COQ8A: variants seen among roughly 807,000 people sequenced by gnomAD.
COQ8A encodes coenzyme Q8A, also known as atypical kinase COQ8A, mitochondrial.
A neutral mutation model predicts 65.0 loss-of-function variants in COQ8A; 51 were observed. The ratio of observed to expected loss-of-function variants is 0.78; its 90% CI spans 0.63 to 0.99. The LOEUF is 0.99. COQ8A is among the 50% of genes least tolerant of loss of function. The pLI is 0.00. For synonymous variants in COQ8A, 371 were observed against 353.2 expected (o/e 1.05, Z -0.57); for missense variants, 940 against 875.0 (o/e 1.07, Z -0.94).
chr1:226,967,052 G>A (rs1044218889), intron 4 of COQ8A, among the ~76,000 whole-genome samples: 3 of 152,190 alleles, frequency 2.0e-5, no homozygotes, highest in Non-Finnish European at 4.4e-5. Flanking sequence ...ACAGCCAAGA[G>A]TATTTGCTTA....
At chr1:226,982,634 C>CT in intron 6 of COQ8A, 44 bp from the exon 7 acceptor site, 1 of 1,602,466 alleles carries the variant, frequency 6.2e-7, no homozygotes, top group Non-Finnish European at 8.5e-7. Context: ...TGGGCGCACA[C>CT]TTTAATCCCC....
rs1179196043 is a variant in COQ8A at position 226,986,777 on chromosome 1, C to T, written c.*40C>T. On this transcript the variant is annotated 3_prime_UTR_variant, in exon 15 of 15. Transcript: ENST00000366777. ...CCCAGGCCGGCTCCGCGGGAACTCT[C>T]TCCCTCAGACAGGCCAAAAACCAGT... 2 of 1,598,458 alleles carry T rather than the reference C, an allele frequency of 1.3e-6. No homozygotes were observed. Among genetic ancestry groups the T allele is most frequent in the Non-Finnish European group, 1.7e-6 (2 of 1,176,120 alleles).
In COQ8A at chr1:226,987,103, G is replaced by C. The variant is rs1395308719; in HGVS notation, c.*366G>C. 4 of 315,842 alleles carry C rather than the reference G, an allele frequency of 1.3e-5. No homozygotes were observed. In the Admixed American group the frequency reaches 1.9e-4, roughly 15 times the overall value. The allele number at this position is 315,842 out of a possible 1,614,324, so 19.6% of individuals were successfully genotyped here. A position where few individuals can be genotyped will look rare whatever the true frequency, so the allele number is the denominator to read the frequency against. On this transcript the variant is annotated 3_prime_UTR_variant, in exon 15 of 15. Transcript: ENST00000366777. ...TGTTCAGTGCAAAACCCAGAAACAT[G>C]AACAGATACGATTGTGGGATTTTAT...
chr1:226,960,339 TTGGTGGTGGTGGTGGTGGTGCTTGG>T (rs1658112966), intron 1 of COQ8A, among the ~76,000 whole-genome samples: 1 of 67,868 alleles, frequency 1.5e-5, no homozygotes, highest in Non-Finnish European at 2.8e-5. Context: ...TCAGTGGTAC[TTGGTGGTGGTGGTGGTGGTGCTTGG>T]TGGTGGTGGT....
At chr1:226,957,661 G>A (rs1657890372) in intron 1 of COQ8A, among the ~76,000 whole-genome samples, 1 of 152,170 alleles carries the variant, frequency 6.6e-6, no homozygotes, top group Non-Finnish European at 1.5e-5. Context: ...TGGACAGTGT[G>A]TGATAATCTC....
rs112550343 is a variant in COQ8A at position 226,956,372 on chromosome 1, C to T, written c.-9-5005C>T. ...CCCACTCTCCCTGGTTCCCACTCTCCGTGGTTCACACTCTCCCTGGTTCCC... is the reference window on the plus strand; with the variant it reads ...CCCACTCTCCCTGGTTCCCACTCTCTGTGGTTCACACTCTCCCTGGTTCCC... On this transcript the variant is annotated intron_variant, in intron 1 of 14. Coordinates refer to ENST00000366777, the MANE Select transcript of COQ8A (RefSeq NM_020247.5). 6.4e-4 allele frequency among the ~76,000 whole-genome samples: 88 copies of T among 136,974 alleles called. 4 individuals carry two copies. The highest frequency in any genetic ancestry group is 2.3e-3 in the African/African-American group (75 of 32,928). 89.9% of individuals were successfully genotyped at this position (136,974 alleles called of 152,430 possible).
intron 4 of COQ8A, among the ~76,000 whole-genome samples, chr1:226,976,168 CTGGCTGCG>C (rs1659194827): frequency 1.0e-4 from 2 of 19,694 alleles, no homozygotes; most frequent in East Asian, 9.1e-4. Context: ...GCGATGTTGC[CTGGCTGCG>C]GGGCTGCGGG....
In COQ8A at chr1:226,986,884, C is replaced by T. The variant is rs1660153528; in HGVS notation, c.*147C>T. The T allele has an allele frequency of 1.0e-6, 1 of 977,790 alleles. No individual in the cohort carries two copies. The highest frequency in any genetic ancestry group is 1.6e-5 in the African/African-American group (1 of 61,408). 60.6% of individuals were successfully genotyped at this position (977,790 alleles called of 1,614,324 possible). On this transcript the variant is annotated 3_prime_UTR_variant, in exon 15 of 15. Coordinates refer to ENST00000366777, the MANE Select transcript of COQ8A (RefSeq NM_020247.5). Reference sequence around the variant, plus strand: ...CCTGGAGCCCCGTAGCCAGCGCTTTCCACGGTTTCTGTTGCTAAATGGTTG... The same window carrying T: ...CCTGGAGCCCCGTAGCCAGCGCTTTTCACGGTTTCTGTTGCTAAATGGTTG...
intron 1 of COQ8A, among the ~76,000 whole-genome samples, chr1:226,945,788 G>C (rs759339559): frequency 1.3e-5 from 2 of 152,240 alleles, no homozygotes; most frequent in Non-Finnish European, 2.9e-5. Flanking sequence ...CTTAGACAGG[G>C]ACGGGGGTGA....
At chr1:226,944,112 C>T (rs1011475835) in intron 1 of COQ8A, among the ~76,000 whole-genome samples, 5 of 151,636 alleles carry the variant, frequency 3.3e-5, no homozygotes, top group African/African-American at 1.2e-4. Context: ...GAGGTGAGGC[C>T]AGAGAGGAGG....
chr1:226,982,941 A>G lies in COQ8A; in HGVS notation c.987A>G (p.Glu329=), dbSNP rs1311759831. The part of the protein sequence containing the change: ...DLGPNWRDKL[E]YFEERPFAAA... ...GCCCCAACTGGCGGGACAAGTTGGA[A>G]TACTTCGAGGAGCGGCCCTTCGCCG... is the stretch of plus-strand genomic sequence containing the variant. Residue 329 remains glutamate (E), a synonymous_variant, in exon 8 of 15, where the codon GAA becomes GAG. Transcript: ENST00000366777. 2 of 1,611,452 alleles carry G rather than the reference A, an allele frequency of 1.2e-6. No homozygotes were observed. Among genetic ancestry groups the G allele is most frequent in the East Asian group, 2.2e-5 (1 of 44,774 alleles).
intron 1 of COQ8A, 140 bp from the exon 2 acceptor site, chr1:226,961,237 C>A: frequency 1.1e-6 from 1 of 902,300 alleles, no homozygotes. Flanking sequence ...TGGGCCCTTT[C>A]TTATCTCTTA....
chr1:226,978,027 A>C (rs1181620751), intron 5 of COQ8A, among the ~76,000 whole-genome samples: 2 of 124,542 alleles, frequency 1.6e-5, no homozygotes, highest in South Asian at 2.8e-4. Flanking sequence ...CCGAACACCC[A>C]CAGACCTTAC....
rs1194078466 is a variant in COQ8A, at chr1:226,946,713, G to C, written c.-10+6314G>C. On this transcript the variant is annotated intron_variant, in intron 1 of 14. Coordinates refer to ENST00000366777, the MANE Select transcript of COQ8A (RefSeq NM_020247.5). The surrounding 1 kb of genome is among the most constrained non-coding windows in gnomAD (Gnocchi z 5.3). ...TACACATGTAGTGCCTAAGGGTTGT[G>C]TGTGACCTCAGGGCAGAACATGTTT... 6.6e-6 allele frequency among the ~76,000 whole-genome samples: 1 copy of C among 152,244 alleles called. No homozygotes were observed. Among genetic ancestry groups the C allele is most frequent in the African/African-American group, 2.4e-5 (1 of 41,464 alleles).
chr1:226,978,933 A>ACCACACACCCACACACCTTACCCT lies in COQ8A; in HGVS notation c.730+1421_730+1444dup, dbSNP rs1280955458. The stretch of plus-strand genomic sequence containing the variant: ...CACCTCCTTACCCCTCCACACACCC[A>ACCACACACCCACACACCTTACCCT]CCACACACCCACACACCTTACCCTC... On this transcript the variant is annotated intron_variant, in intron 5 of 14. Coordinates refer to ENST00000366777, the MANE Select transcript of COQ8A (RefSeq NM_020247.5). Among the ~76,000 whole-genome samples the ACCACACACCCACACACCTTACCCT allele has an allele frequency of 5.6e-5, 8 of 143,844 alleles. No individual in the cohort carries two copies. The South Asian group carries it at 7.0e-4, about 13-fold the overall frequency. The allele number at this position is 143,844 out of a possible 152,430, so 94.4% of individuals were successfully genotyped here.
At chr1:226,977,058 A>T (rs931268493) in intron 4 of COQ8A, among the ~76,000 whole-genome samples, 3 of 152,188 alleles carry the variant, frequency 2.0e-5, no homozygotes, top group Admixed American at 1.3e-4. Context: ...TTGTGTTCTC[A>T]GGGTGCCCTG....
At position 226,965,136 on chromosome 1, in the gene COQ8A, C is replaced by T. The variant is rs751042244; in HGVS notation, c.314C>T (p.Pro105Leu). 6.2e-7 allele frequency: 1 copy of T among 1,613,994 alleles called. No individual in the cohort carries two copies. The highest frequency in any genetic ancestry group is 8.5e-7 in the Non-Finnish European group (1 of 1,180,048). Residue 105 changes from proline (P) to leucine (L), a missense_variant, in exon 3 of 15, where the codon CCA becomes CTA. Physicochemically the swap from Pro to Leu is moderately conservative, Grantham distance 98 (BLOSUM62 -3). Coordinates refer to ENST00000366777, the MANE Select transcript of COQ8A (RefSeq NM_020247.5). The part of the protein sequence containing the change: ...SASAPDQSAP[P>L]SLGHAHSEGP... ...TCCGCTCCCGACCAGTCAGCGCCCCCATCCCTGGGTCATGCCCACAGCGAG... is the reference window on the plus strand; with the variant it reads ...TCCGCTCCCGACCAGTCAGCGCCCCTATCCCTGGGTCATGCCCACAGCGAG...
intron 1 of COQ8A, 77 bp from the exon 2 acceptor site, chr1:226,961,300 T>G: frequency 4.7e-6 from 7 of 1,477,552 alleles, no homozygotes; most frequent in East Asian, 2.3e-5. Context: ...CTGCTCAGAG[T>G]TTGGTGTGGA....
In COQ8A at chr1:226,961,442, C is replaced by A; in HGVS notation, c.57C>A (p.Thr19=). The change falls in exon 2 of 15, where the codon ACC becomes ACA. Residue 19 remains threonine (T), a synonymous_variant. Transcript: ENST00000366777. ...IMVAKGLVKL[T]QAAVETHLQH... ...TGGCTAAAGGCCTTGTCAAGCTGACCCAGGCGGCCGTGGAAACCCACCTGC... is the reference window on the plus strand; with the variant it reads ...TGGCTAAAGGCCTTGTCAAGCTGACACAGGCGGCCGTGGAAACCCACCTGC... The A allele has an allele frequency of 6.2e-7, 1 of 1,613,796 alleles. No individual in the cohort carries two copies. Among genetic ancestry groups the A allele is most frequent in the South Asian group, 1.1e-5 (1 of 91,082 alleles).
Sources: allele counts gnomAD v4.1 joint callset (sites outside exome capture counted in the v4.1 genomes callset), GRCh38; gene constraint gnomAD v4.1.1; non-coding constraint Gnocchi (gnomAD v3.1); transcripts MANE v1.5; gene names NCBI Gene and HGNC (gene_info 2026-07-23, HGNC 2026-07-21).